Variants in NPSR1 observed in about 807,000 individuals in gnomAD.
The protein encoded by NPSR1 is neuropeptide S receptor.
A neutral mutation model predicts 46.9 loss-of-function variants in NPSR1; 48 were observed. The observed-to-expected ratio is 1.02, with a 90% CI of 0.81 to 1.30. The LOEUF (loss-of-function observed/expected upper bound fraction) is 1.30. Ranked by LOEUF, NPSR1 falls within the 50% of genes most tolerant of loss-of-function variation. The pLI, the probability that NPSR1 is intolerant of heterozygous loss-of-function variation, is 0.00. For missense variants in NPSR1, 450 were observed against 449.5 expected (o/e 1.00, Z -0.01); for synonymous variants, 176 against 168.1 (o/e 1.05, Z -0.36).
At chr7:34,727,177 T>C (rs1174130084) in intron 2 of NPSR1, among the ~76,000 whole-genome samples, 1 of 152,156 alleles carries the variant, frequency 6.6e-6, no homozygotes, top group Non-Finnish European at 1.5e-5. Flanking sequence ...AAAACTGCTC[T>C]GAAAAATAAG....
chr7:34,805,591 T>G (rs1353832014), intron 3 of NPSR1, among the ~76,000 whole-genome samples: 1 of 151,178 alleles, frequency 6.6e-6, no homozygotes, highest in Non-Finnish European at 1.5e-5. Flanking sequence ...ATAAAACGAC[T>G]AGAAGATAAC....
At chr7:34,691,807 G>A (rs1414363065) in intron 2 of NPSR1, among the ~76,000 whole-genome samples, 1 of 146,236 alleles carries the variant, frequency 6.8e-6, no homozygotes, top group Non-Finnish European at 1.5e-5. Flanking sequence ...ATCAAGGCAG[G>A]AAATCAACAA....
At chr7:34,814,282 C>T (rs1251837487) in intron 4 of NPSR1, among the ~76,000 whole-genome samples, 1 of 152,260 alleles carries the variant, frequency 6.6e-6, no homozygotes, top group Non-Finnish European at 1.5e-5. Context: ...TGGAGCCTTG[C>T]TCACTGCTAG....
chr7:34,794,942 G>A (rs1442178987), intron 3 of NPSR1, among the ~76,000 whole-genome samples: 1 of 152,106 alleles, frequency 6.6e-6, no homozygotes, highest in Admixed American at 6.6e-5. Context: ...GGGAGGTTGA[G>A]GCAGGAGGAT....
chr7:34,781,775 C>T (rs1787243257), intron 3 of NPSR1, among the ~76,000 whole-genome samples: 1 of 152,200 alleles, frequency 6.6e-6, no homozygotes, highest in Admixed American at 6.5e-5. Flanking sequence ...ACACTCCAGA[C>T]TGATAGTCTG....
At chr7:34,736,967 A>G (rs955233358) in intron 2 of NPSR1, among the ~76,000 whole-genome samples, 7 of 151,972 alleles carry the variant, frequency 4.6e-5, no homozygotes, top group African/African-American at 1.5e-4. Context: ...TTCATCCTAC[A>G]TCTCGCACTG....
chr7:34,833,737 G>A lies in NPSR1; in HGVS notation c.681-647G>A, dbSNP rs184407668. Among the ~76,000 whole-genome samples, 263 of 152,292 alleles carry A rather than the reference G, an allele frequency of 1.7e-3. 2 individuals carry two copies. Among genetic ancestry groups the A allele is most frequent in the Middle Eastern group, 0.01 (3 of 294 alleles). On this transcript the variant is annotated intron_variant, in intron 5 of 8. Coordinates refer to ENST00000360581, the MANE Select transcript of NPSR1 (RefSeq NM_207172.2). ...CATTCAAGTTGTTTATCCAGGGCAG[G>A]GGTCATCAGAGGCTGGACTGGGAGA...
At chr7:34,811,646 C>A in intron 3 of NPSR1, 124 bp from the exon 4 acceptor site, 2 of 621,494 alleles carry the variant, frequency 3.2e-6, no homozygotes, top group Non-Finnish European at 2.8e-6. Context: ...CTTCCTAATC[C>A]AACACTCACC....
intron 4 of NPSR1, among the ~76,000 whole-genome samples, chr7:34,814,197 A>T (rs1231422636): frequency 6.6e-6 from 1 of 152,216 alleles, no homozygotes; most frequent in Non-Finnish European, 1.5e-5. Flanking sequence ...CACTCCTGCC[A>T]AATACTGCAC....
intron 2 of NPSR1, among the ~76,000 whole-genome samples, chr7:34,747,981 A>G (rs1785298599): frequency 1.3e-5 from 2 of 152,198 alleles, no homozygotes; most frequent in South Asian, 4.1e-4. Flanking sequence ...CTGTGCCTCC[A>G]GTCATGTTTA....
intron 1 of NPSR1, among the ~76,000 whole-genome samples, chr7:34,667,518 G>A (rs146374534): frequency 4.2e-4 from 64 of 152,084 alleles, no homozygotes; most frequent in African/African-American, 1.4e-3. Flanking sequence ...CACTTTCCCC[G>A]CCTTTCCACT....
chr7:34,795,038 C>A (rs546220167), intron 3 of NPSR1, among the ~76,000 whole-genome samples: 1 of 151,764 alleles, frequency 6.6e-6, no homozygotes, highest in African/African-American at 2.4e-5. Context: ...GACCCTATCT[C>A]TTAAAAAAAG....
intron 2 of NPSR1, among the ~76,000 whole-genome samples, chr7:34,714,963 C>A (rs1478066668): frequency 6.6e-6 from 1 of 152,236 alleles, no homozygotes; most frequent in East Asian, 1.9e-4. Context: ...CACCCCACAT[C>A]CCAGGCTGGT....
chr7:34,858,675 C>T (rs1791111289), intron 8 of NPSR1, among the ~76,000 whole-genome samples: 1 of 151,828 alleles, frequency 6.6e-6, no homozygotes, highest in African/African-American at 2.4e-5. Flanking sequence ...TCACATCTTA[C>T]ATGGATGGCA....
At chr7:34,720,806 A>G (rs936071479) in intron 2 of NPSR1, among the ~76,000 whole-genome samples, 1 of 152,192 alleles carries the variant, frequency 6.6e-6, no homozygotes, top group Non-Finnish European at 1.5e-5. Context: ...AACAGAAAGC[A>G]GGGGCAAGAG....
intron 2 of NPSR1, chr7:34,752,041 A>C: frequency 1.4e-6 from 1 of 698,602 alleles, no homozygotes; most frequent in South Asian, 1.6e-5. Context: ...TCCTGTGGAA[A>C]CTTCGGAAGA....
chr7:34,876,065 G>A (rs1791567021), intron 8 of NPSR1, among the ~76,000 whole-genome samples: 1 of 152,186 alleles, frequency 6.6e-6, no homozygotes, highest in Non-Finnish European at 1.5e-5. Flanking sequence ...TAGGGATGGT[G>A]GGGCAGGGAG....
rs111390090 is a variant in NPSR1 at position 34,667,347 on chromosome 7, G to A, written c.147+8788G>A. Among the ~76,000 whole-genome samples the A allele has an allele frequency of 9.2e-3, 1,407 of 152,304 alleles. 21 individuals carry two copies. The highest frequency in any genetic ancestry group is 0.032 in the African/African-American group (1,347 of 41,562). ...GGAGGAAGAGTTTTGAGAGACAGGA[G>A]AAAGGGGGGTAGTCATGGAGGAGTT... is the stretch of plus-strand genomic sequence containing the variant. On this transcript the variant is annotated intron_variant, in intron 1 of 8. Transcript: ENST00000360581.
At chr7:34,822,266 T>C (rs35978096) in intron 4 of NPSR1, among the ~76,000 whole-genome samples, 5,802 of 152,138 alleles carry the variant, frequency 0.038, 152 homozygotes, top group Non-Finnish European at 0.057. Flanking sequence ...TCGGAGTTTA[T>C]GCGGCTCAGC....
Sources: allele counts gnomAD v4.1 joint callset (sites outside exome capture counted in the v4.1 genomes callset), GRCh38; gene constraint gnomAD v4.1.1; transcripts MANE v1.5; gene names NCBI Gene and HGNC (gene_info 2026-07-23, HGNC 2026-07-21).